The following KRTCAP2 variants were observed in gnomAD, a reference collection of about 807,000 sequenced individuals.
KRTCAP2 encodes the protein dolichyl-diphosphooligosaccharide--protein glycosyltransferase subunit KCP2.
KRTCAP2 carries 10 observed loss-of-function variants against 16.5 expected under a neutral mutation model. That is an observed-to-expected ratio of 0.60 (90% CI 0.37 to 1.02). KRTCAP2 has a LOEUF of 1.02. Among genes scored for constraint, KRTCAP2 ranks in the 50% least tolerant of loss-of-function variants. KRTCAP2 has a pLI of 0.01. For missense variants in KRTCAP2, 152 were observed against 159.6 expected, an observed-to-expected ratio of 0.95 and a Z score of 0.26; for synonymous variants, 68 against 69.8, an observed-to-expected ratio of 0.97 and a Z score of 0.13.
At chr1:155,170,121 G>A in intron 3 of KRTCAP2, 2 of 325,188 alleles carry the variant, frequency 6.2e-6, no homozygotes, top group East Asian at 6.0e-5. Context: ...AGGAGTTTGA[G>A]ACCAGCCTGA....
chr1:155,171,838 G>C (rs896622639), intron 3 of KRTCAP2: 36 of 894,590 alleles, frequency 4.0e-5, no homozygotes, highest in Admixed American at 1.6e-4. Flanking sequence ...ACAGAGTAAA[G>C]CCTTGTCTCA....
chr1:155,169,810 G>C lies in KRTCAP2; in HGVS notation c.271C>G (p.Arg91Gly). 1.3e-6 allele frequency: 2 copies of C among 1,596,064 alleles called. No homozygotes were observed. The highest frequency in any genetic ancestry group is 1.7e-6 in the Non-Finnish European group (2 of 1,170,648). The stretch of plus-strand genomic sequence containing the variant: ...ACATACCAGGTGGTGACACAGACTC[G>C]GTGGATGAGGCCAGATGCAAAGAGA... ...LALFASGLIH[R>G]VCVTTCFIFS... The change falls in exon 4 of 5, where the codon CGA (arginine) becomes GGA (glycine). Residue 91 changes from arginine (R) to glycine (G), a missense_variant. Transcript: ENST00000295682.
Position 155,172,901 on chromosome 1 carries a change from G to T in KRTCAP2, c.5-9C>A. On this transcript the variant is annotated splice_polypyrimidine_tract_variant and intron_variant, in intron 1 of 4. Transcript: ENST00000295682. ...GGTGCCCGTACCCACCACTGGAGGG[G>T]ATGGGAGAAGGGACGGAGAGTCAGG... 3 of 1,613,432 alleles carry T rather than the reference G, an allele frequency of 1.9e-6. No individual in the cohort carries two copies. Among genetic ancestry groups the T allele is most frequent in the Non-Finnish European group, 1.7e-6 (2 of 1,179,724 alleles).
rs774918779 is a variant in KRTCAP2 at position 155,173,261 on chromosome 1, C to T, written c.-37G>A. Reference sequence around the variant, plus strand: ...CGTGAGTCCAACCGGCGCCTCTGGCCAAGAAAGGCGAGCTGAACCGGGTGC... The same window carrying T: ...CGTGAGTCCAACCGGCGCCTCTGGCTAAGAAAGGCGAGCTGAACCGGGTGC... On this transcript the variant is annotated 5_prime_UTR_variant, in exon 1 of 5. Transcript: ENST00000295682. 3 of 1,614,178 alleles carry T rather than the reference C, an allele frequency of 1.9e-6. No homozygotes were observed. The highest frequency in any genetic ancestry group is 1.7e-5 in the Admixed American group (1 of 60,032).
At chr1:155,171,455 C>T (rs1043482722) in intron 3 of KRTCAP2, 32 of 980,806 alleles carry the variant, frequency 3.3e-5, no homozygotes, top group Middle Eastern at 5.2e-4. Context: ...GAAGGTAATA[C>T]ATATGGAAAC....
In KRTCAP2 at chr1:155,172,187, T is replaced by G. The variant is rs757471379; in HGVS notation, c.223+378A>C. 326 of 1,070,842 alleles carry G rather than the reference T, an allele frequency of 3.0e-4. 1 individual carries two copies. Among genetic ancestry groups the G allele is most frequent in the Non-Finnish European group, 3.6e-4 (315 of 880,444 alleles). The allele number at this position is 1,070,842 out of a possible 1,614,324, so 66.3% of individuals were successfully genotyped here. ...TCACAATTCCCTCAAATAAGTAGAATTCTCTAATATTGAGTTAACTTCACA... is the reference window on the plus strand; with the variant it reads ...TCACAATTCCCTCAAATAAGTAGAAGTCTCTAATATTGAGTTAACTTCACA... On this transcript the variant is annotated intron_variant, in intron 3 of 4. Coordinates refer to ENST00000295682, the MANE Select transcript of KRTCAP2 (RefSeq NM_173852.4).
At chr1:155,173,035 A>C in intron 1 of KRTCAP2, 143 bp from the exon 2 acceptor site, 1 of 1,012,610 alleles carries the variant, frequency 9.9e-7, no homozygotes, top group South Asian at 1.5e-5. Flanking sequence ...CCAACTCCCC[A>C]CACCGCGCGG....
chr1:155,171,556 G>C (rs546436147), intron 3 of KRTCAP2: 8 of 984,154 alleles, frequency 8.1e-6, no homozygotes, highest in East Asian at 1.2e-4. Context: ...AGTCCTAGAG[G>C]GGGGCAAAGA....
chr1:155,169,763 AC>A, intron 4 of KRTCAP2, 27 bp downstream of exon 4: 1 of 1,570,382 alleles, frequency 6.4e-7, no homozygotes, highest in Non-Finnish European at 8.7e-7. Context: ...GGAATGCTAC[AC>A]CCCTTACCCA....
chr1:155,173,093 C>G, intron 1 of KRTCAP2, 128 bp downstream of exon 1: 1 of 1,000,482 alleles, frequency 1.0e-6, no homozygotes, highest in Non-Finnish European at 1.5e-6. Flanking sequence ...CCCTCCCGTC[C>G]GGTGGAAATG....
intron 3 of KRTCAP2, chr1:155,170,151 C>A: frequency 4.5e-6 from 1 of 221,390 alleles, no homozygotes; most frequent in Non-Finnish European, 9.0e-6. Flanking sequence ...TGAGACCCAT[C>A]TCTTAAAAAA....
rs1362385492 is a variant in KRTCAP2 at position 155,172,623 on chromosome 1, G to A, written c.165C>T (p.Phe55=). The change falls in exon 3 of 5, where the codon TTC becomes TTT. Residue 55 remains phenylalanine, a synonymous_variant. Transcript: ENST00000295682. ...CAAAGACAAGATTCTCCAGATTATT[G>A]AAGGCCTGGTTGAGGGAGTTAAGGA... is the stretch of plus-strand genomic sequence containing the variant. ...SGLFVFSLTA[F]NNLENLVFGK... is the part of the protein sequence containing the mutation. 1 of 1,614,196 alleles carries A rather than the reference G, an allele frequency of 6.2e-7. No homozygotes were observed. Among genetic ancestry groups the A allele is most frequent in the South Asian group, 1.1e-5 (1 of 91,084 alleles).
chr1:155,170,734 C>CAGGTGGAGAGGG, intron 3 of KRTCAP2: 1 of 152,220 alleles, frequency 6.6e-6, no homozygotes, highest in Non-Finnish European at 1.5e-5. Context: ...CCCCACCTGC[C>CAGGTGGAGAGGG]CAGGTGGAGA....
In KRTCAP2 at chr1:155,173,275, T is replaced by A; in HGVS notation, c.-51A>T. 6.2e-7 allele frequency: 1 copy of A among 1,614,110 alleles called. No individual in the cohort carries two copies. The highest frequency in any genetic ancestry group is 8.5e-7 in the Non-Finnish European group (1 of 1,180,000). On this transcript the variant is annotated 5_prime_UTR_variant, in exon 1 of 5. Coordinates refer to ENST00000295682, the MANE Select transcript of KRTCAP2 (RefSeq NM_173852.4). ...GCGCCTCTGGCCAAGAAAGGCGAGC[T>A]GAACCGGGTGCGGTTAGCTATGCGC...
chr1:155,172,434 G>A, intron 3 of KRTCAP2, 131 bp downstream of exon 3: 1 of 1,541,010 alleles, frequency 6.5e-7, no homozygotes, highest in East Asian at 2.4e-5. Flanking sequence ...AGCGTCATCT[G>A]TCTTCAGACA....
Position 155,173,261 on chromosome 1 carries a change from C to G in KRTCAP2, c.-37G>C. 6.2e-7 allele frequency: 1 copy of G among 1,614,178 alleles called. No individual in the cohort carries two copies. The highest frequency in any genetic ancestry group is 8.5e-7 in the Non-Finnish European group (1 of 1,180,014). ...CGTGAGTCCAACCGGCGCCTCTGGC[C>G]AAGAAAGGCGAGCTGAACCGGGTGC... On this transcript the variant is annotated 5_prime_UTR_variant, in exon 1 of 5. Coordinates refer to ENST00000295682, the MANE Select transcript of KRTCAP2 (RefSeq NM_173852.4).
intron 3 of KRTCAP2, chr1:155,172,132 G>C: frequency 9.9e-7 from 1 of 1,009,574 alleles, no homozygotes; most frequent in African/African-American, 1.7e-5. Flanking sequence ...TGCTGCCATA[G>C]ATATTTGGTG....
In KRTCAP2 at chr1:155,172,859, G is replaced by A. The variant is rs1665309725; in HGVS notation, c.38C>T (p.Ser13Phe). The A allele has an allele frequency of 2.5e-6, 4 of 1,614,080 alleles. No individual in the cohort carries two copies. Among genetic ancestry groups the A allele is most frequent in the South Asian group, 1.1e-5 (1 of 91,090 alleles). The change falls in exon 2 of 5, where the codon TCC (serine) becomes TTC (phenylalanine). Residue 13 changes from serine to phenylalanine, a missense_variant. By Grantham distance (155) the Ser-to-Phe change is radical. Transcript: ENST00000295682. The stretch of plus-strand genomic sequence containing the variant: ...AGCAAAGAGCAGCAGGGACAGGAGG[G>A]AGGAGAGCGCCAGCGAGGTGCCCGT... ...VGTGTSLALS[S>F]LLSLLLFAGM...
chr1:155,172,846 C>G lies in KRTCAP2; in HGVS notation c.51G>C (p.Leu17=). 6.2e-7 allele frequency: 1 copy of G among 1,614,228 alleles called. No homozygotes were observed. Among genetic ancestry groups the G allele is most frequent in the Non-Finnish European group, 8.5e-7 (1 of 1,180,044 alleles). Residue 17 remains leucine (L), a synonymous_variant, in exon 2 of 5, where the codon CTG becomes CTC. Transcript: ENST00000295682. The part of the protein sequence containing the change: ...TSLALSSLLS[L]LLFAGMQMYS... Reference sequence around the variant, plus strand: ...ACATCTGCATCCCAGCAAAGAGCAGCAGGGACAGGAGGGAGGAGAGCGCCA... The same window carrying G: ...ACATCTGCATCCCAGCAAAGAGCAGGAGGGACAGGAGGGAGGAGAGCGCCA...
Sources: allele counts gnomAD v4.1 joint callset, GRCh38; gene constraint gnomAD v4.1.1; transcripts MANE v1.5; gene names NCBI Gene and HGNC (gene_info 2026-07-23, HGNC 2026-07-21).